The following ACTR2 variants were observed in gnomAD, a reference collection of about 807,000 sequenced individuals.
The protein encoded by ACTR2 is actin related protein 2, also known as actin-related protein 2.
Under a neutral mutation model 50.2 loss-of-function variants are expected in ACTR2, and 5 were observed. That is an observed-to-expected ratio of 0.10 (90% CI 0.05 to 0.21). ACTR2 has a LOEUF of 0.21. Ranked by LOEUF, ACTR2 falls within the 10% of genes least tolerant of loss-of-function variation. ACTR2 has a pLI of 1.00. For missense variants in ACTR2, 180 were observed against 480.6 expected (o/e 0.37, Z 5.85); for synonymous variants, 140 against 162.9 (o/e 0.86, Z 1.07).
At position 65,268,630 on chromosome 2, in the gene ACTR2, C is replaced by G. The variant is rs753053609; in HGVS notation, c.1081C>G (p.Leu361Val). 1.2e-6 allele frequency: 2 copies of G among 1,614,162 alleles called. No individual in the cohort carries two copies. The highest frequency in any genetic ancestry group is 1.7e-6 in the Non-Finnish European group (2 of 1,180,022). Residue 361 changes from leucine (L) to valine (V), a missense_variant, in exon 9 of 9, where the codon CTA (leucine) becomes GTA (valine). Coordinates refer to ENST00000260641, the MANE Select transcript of ACTR2 (RefSeq NM_005722.4). Reference sequence around the variant, plus strand: ...CATGGTATTCCTGGGTGGTGCAGTTCTAGCGGATATCATGAAAGACAAAGA... The same window carrying G: ...CATGGTATTCCTGGGTGGTGCAGTTGTAGCGGATATCATGAAAGACAAAGA... ...KHMVFLGGAV[L>V]ADIMKDKDNF...
intron 2 of ACTR2, chr2:65,241,994 T>A: frequency 6.2e-7 from 1 of 1,601,456 alleles, no homozygotes; most frequent in East Asian, 2.2e-5. Flanking sequence ...TTAGGCCTTT[T>A]CTGACTCTTA....
At chr2:65,228,211 G>A in intron 1 of ACTR2, 1 of 386,366 alleles carries the variant, frequency 2.6e-6, no homozygotes, top group Admixed American at 4.6e-5. Flanking sequence ...CACTGGACAT[G>A]GAGCCTACTG....
At chr2:65,259,105 T>A (rs1488779046) in intron 6 of ACTR2, among the ~76,000 whole-genome samples, 1 of 151,996 alleles carries the variant, frequency 6.6e-6, no homozygotes, top group Non-Finnish European at 1.5e-5. Flanking sequence ...CCTAGGTAGC[T>A]GGGACCAAAG....
intron 4 of ACTR2, 74 bp from the exon 5 acceptor site, chr2:65,253,654 A>T (rs1022529652): frequency 2.1e-5 from 32 of 1,496,026 alleles, no homozygotes; most frequent in Non-Finnish European, 2.9e-5. Flanking sequence ...TGGCTTCCCT[A>T]CTGTATTTGG....
intron 7 of ACTR2, among the ~76,000 whole-genome samples, chr2:65,264,052 A>AT (rs1672327749): frequency 9.9e-5 from 15 of 152,138 alleles, no homozygotes; most frequent in Admixed American, 9.8e-4. Flanking sequence ...GAGACTCTGT[A>AT]TTAAAAAATA....
At chr2:65,232,509 T>C (rs1229026157) in intron 1 of ACTR2, among the ~76,000 whole-genome samples, 1 of 152,172 alleles carries the variant, frequency 6.6e-6, no homozygotes, top group East Asian at 1.9e-4. Context: ...TTGGTATAAG[T>C]AGAATAAATA....
intron 5 of ACTR2, among the ~76,000 whole-genome samples, 169 bp from the exon 6 acceptor site, chr2:65,255,376 T>G (rs17030089): frequency 0.11 from 16,243 of 152,226 alleles, 975 homozygotes; most frequent in Middle Eastern, 0.17. Flanking sequence ...AACTGAAATA[T>G]AAATCCTTTT....
intron 2 of ACTR2, chr2:65,242,485 C>A: frequency 2.9e-6 from 1 of 341,640 alleles, no homozygotes; most frequent in South Asian, 2.4e-5. Flanking sequence ...CTGTCATAGC[C>A]TGTATATATA....
chr2:65,269,457 T>C lies in ACTR2; in HGVS notation c.*723T>C, dbSNP rs1672447477. On this transcript the variant is annotated 3_prime_UTR_variant, in exon 9 of 9. Transcript: ENST00000260641. Reference sequence around the variant, plus strand: ...TGCCTGGAGCTGTTTCCATATGATATAAAAAGCAAGTGTAGTATTCCATTA... The same window carrying C: ...TGCCTGGAGCTGTTTCCATATGATACAAAAAGCAAGTGTAGTATTCCATTA... The C allele has an allele frequency of 6.6e-6, 1 of 152,162 alleles. No homozygotes were observed. Among genetic ancestry groups the C allele is most frequent in the South Asian group, 2.1e-4 (1 of 4,826 alleles). 9.4% of individuals were successfully genotyped at this position (152,162 alleles called of 1,614,324 possible).
At chr2:65,238,646 G>A (rs1208938729) in intron 1 of ACTR2, among the ~76,000 whole-genome samples, 2 of 97,666 alleles carry the variant, frequency 2.0e-5, no homozygotes, top group Non-Finnish European at 3.9e-5. Flanking sequence ...GCGACAGAGC[G>A]AGACTGTCTA....
intron 8 of ACTR2, among the ~76,000 whole-genome samples, chr2:65,266,563 G>T (rs954410838): frequency 6.6e-6 from 1 of 152,060 alleles, no homozygotes; most frequent in African/African-American, 2.4e-5. Context: ...GGGTGTGGGG[G>T]CGGTTTAAGC....
chr2:65,253,412 C>T (rs771463663), intron 4 of ACTR2, among the ~76,000 whole-genome samples: 31 of 151,920 alleles, frequency 2.0e-4, no homozygotes, highest in Non-Finnish European at 3.5e-4. Context: ...CACTGTACTC[C>T]TCCAGCCTGG....
intron 2 of ACTR2, chr2:65,246,323 T>C: frequency 2.4e-6 from 1 of 425,338 alleles, no homozygotes; most frequent in South Asian, 4.4e-5. Flanking sequence ...GTCAATTTAT[T>C]GATTTAAACC....
At position 65,241,351 on chromosome 2, in the gene ACTR2, G is replaced by T. The variant is rs3821185; in HGVS notation, c.159+1389G>T. Reference sequence around the variant, plus strand: ...TCATGTATAGCCATAAATTTATTTTGCAACATAGGCACAAATAACTACACA... The same window carrying T: ...TCATGTATAGCCATAAATTTATTTTTCAACATAGGCACAAATAACTACACA... On this transcript the variant is annotated intron_variant, in intron 2 of 8. Transcript: ENST00000260641. Among the ~76,000 whole-genome samples the T allele has an allele frequency of 2.0e-5, 3 of 151,970 alleles. No homozygotes were observed. In the South Asian group the frequency reaches 6.2e-4, roughly 31 times the overall value.
intron 6 of ACTR2, 114 bp from the exon 7 acceptor site, chr2:65,261,133 G>T: frequency 5.1e-6 from 5 of 981,438 alleles, no homozygotes; most frequent in South Asian, 3.6e-5. Context: ...AAAAATTGTT[G>T]TTGGTAATGA....
chr2:65,253,410 T>C (rs1259822539), intron 4 of ACTR2, among the ~76,000 whole-genome samples: 2 of 150,736 alleles, frequency 1.3e-5, no homozygotes, highest in Non-Finnish European at 2.9e-5. Flanking sequence ...GCCACTGTAC[T>C]CCTCCAGCCT....
chr2:65,240,851 T>C (rs905207151), intron 2 of ACTR2, among the ~76,000 whole-genome samples: 4 of 152,194 alleles, frequency 2.6e-5, no homozygotes, highest in African/African-American at 9.6e-5. Context: ...ATTTGAAATA[T>C]GCATTAGGGC....
intron 7 of ACTR2, among the ~76,000 whole-genome samples, chr2:65,264,459 A>G (rs1452794128): frequency 6.6e-6 from 1 of 152,172 alleles, no homozygotes. Flanking sequence ...TTTACTACAT[A>G]TGCAGTCTTT....
intron 5 of ACTR2, among the ~76,000 whole-genome samples, chr2:65,255,106 A>G (rs979527423): frequency 1.3e-5 from 2 of 152,204 alleles, no homozygotes; most frequent in South Asian, 2.1e-4. Flanking sequence ...TCCTTCTAAT[A>G]TGTGCCAGAC....
Sources: gnomAD v4.1 joint callset for allele counts (sites outside exome capture counted in the v4.1 genomes callset) on GRCh38, gnomAD v4.1.1 for gene constraint, MANE v1.5 for transcripts, NCBI Gene and HGNC (gene_info 2026-07-23, HGNC 2026-07-21) for gene names.